The following KIF11 variants were observed in gnomAD, a reference collection of about 807,000 sequenced individuals.
The protein encoded by KIF11 is kinesin-like protein KIF11.
KIF11 carries 9 observed loss-of-function variants against 121.0 expected under a neutral mutation model. The ratio of observed to expected loss-of-function variants is 0.07; its 90% confidence interval spans 0.04 to 0.13. The LOEUF is 0.13. KIF11 is among the 10% of genes least tolerant of loss of function. KIF11 has a pLI of 1.00. For synonymous variants in KIF11, 408 were observed against 421.0 expected (o/e 0.97, Z 0.38); for missense variants, 846 against 1,217.5 (o/e 0.69, Z 4.54).
intron 16 of KIF11, 125 bp downstream of exon 16, chr10:92,637,670 G>A (rs935973953): frequency 1.8e-5 from 15 of 856,060 alleles, no homozygotes; most frequent in Non-Finnish European, 2.7e-5. Context: ...AAATACCATA[G>A]CCACTGTTGC....
At chr10:92,651,337 CT>C (rs201261980) in intron 21 of KIF11, among the ~76,000 whole-genome samples, 7 of 145,752 alleles carry the variant, frequency 4.8e-5, no homozygotes, top group South Asian at 2.2e-4. Flanking sequence ...CCTCTACCCA[CT>C]TTTTTTTTTC....
At chr10:92,643,494 A>C (rs1163652700) in intron 17 of KIF11, among the ~76,000 whole-genome samples, 1 of 151,662 alleles carries the variant, frequency 6.6e-6, no homozygotes, top group Non-Finnish European at 1.5e-5. Flanking sequence ...TGTGCAATAA[A>C]CACCTAATAC....
At chr10:92,611,523 T>A (rs1844496094) in intron 6 of KIF11, among the ~76,000 whole-genome samples, 1 of 152,110 alleles carries the variant, frequency 6.6e-6, no homozygotes, top group South Asian at 2.1e-4. Context: ...AATATTATAA[T>A]TCAGATCTAT....
chr10:92,601,733 G>T (rs1409038352), intron 1 of KIF11, among the ~76,000 whole-genome samples: 2 of 150,616 alleles, frequency 1.3e-5, no homozygotes. Flanking sequence ...TTAGAGATGG[G>T]GTCTCGCTAT....
At chr10:92,603,107 T>C (rs1844391827) in intron 1 of KIF11, among the ~76,000 whole-genome samples, 1 of 151,940 alleles carries the variant, frequency 6.6e-6, no homozygotes, top group Admixed American at 6.6e-5. Flanking sequence ...GAAAATTTTT[T>C]CCACCAAAAT....
Position 92,593,263 on chromosome 10 carries a change from C to T in KIF11, c.-113C>T. On this transcript the variant is annotated 5_prime_UTR_variant, in exon 1 of 22. Coordinates refer to ENST00000260731, the MANE Select transcript of KIF11 (RefSeq NM_004523.4). ...GCGTGCGTCGGTCCTCCAGGCCACG[C>T]CAGCGCCCGAGAGGGACCAGGGAGA... 1 of 1,099,240 alleles carries T rather than the reference C, an allele frequency of 9.1e-7. No homozygotes were observed. The highest frequency in any genetic ancestry group is 1.3e-6 in the Non-Finnish European group (1 of 769,382). The allele number at this position is 1,099,240 out of a possible 1,614,324, so 68.1% of individuals were successfully genotyped here.
At chr10:92,640,944 C>T (rs1031311587) in intron 17 of KIF11, among the ~76,000 whole-genome samples, 6 of 151,866 alleles carry the variant, frequency 4.0e-5, no homozygotes, top group South Asian at 2.1e-4. Context: ...GATGGGGTTT[C>T]GCCACGTTGG....
intron 10 of KIF11, 46 bp from the exon 11 acceptor site, chr10:92,628,762 T>A: frequency 9.7e-7 from 1 of 1,026,848 alleles, no homozygotes; most frequent in Non-Finnish European, 1.5e-6. Context: ...TTATAGGAGT[T>A]AGAAAAAAAT....
intron 12 of KIF11, among the ~76,000 whole-genome samples, chr10:92,631,295 GAAA>G (rs201439676): frequency 1.0e-5 from 1 of 97,476 alleles, no homozygotes; most frequent in Non-Finnish European, 2.4e-5. Flanking sequence ...CTCTGTTTCA[GAAA>G]AAAAAAAAAA....
At chr10:92,618,245 C>G (rs1010066078) in intron 9 of KIF11, among the ~76,000 whole-genome samples, 9 of 149,940 alleles carry the variant, frequency 6.0e-5, no homozygotes, top group African/African-American at 2.2e-4. Flanking sequence ...AATATTTCCT[C>G]CCAGTCTGGC....
intron 9 of KIF11, 120 bp downstream of exon 9, chr10:92,616,952 A>G (rs1480033116): frequency 3.6e-6 from 2 of 561,718 alleles, no homozygotes; most frequent in South Asian, 2.6e-5. Flanking sequence ...GGCTTTTTAT[A>G]TAGTGATTTA....
Position 92,593,435 on chromosome 10 carries a change from G to A in KIF11, c.60G>A (p.Gln20=). 6.2e-7 allele frequency: 1 copy of A among 1,610,616 alleles called. No individual in the cohort carries two copies. Among genetic ancestry groups the A allele is most frequent in the Non-Finnish European group, 8.5e-7 (1 of 1,178,694 alleles). ...AAGAGGAGAAGGGGAAGAACATCCA[G>A]GTGGTGGTGAGATGCAGGTAGGGAG... is the stretch of plus-strand genomic sequence containing the variant. ...KKKEEKGKNI[Q]VVVRCRPFNL... Residue 20 remains glutamine, a synonymous_variant, in exon 1 of 22, where the codon CAG becomes CAA. Coordinates refer to ENST00000260731, the MANE Select transcript of KIF11 (RefSeq NM_004523.4).
intron 10 of KIF11, 108 bp downstream of exon 10, chr10:92,621,581 G>A (rs541486632): frequency 3.6e-5 from 22 of 603,450 alleles, no homozygotes; most frequent in African/African-American, 1.8e-4. Context: ...ATCCAGTGCC[G>A]ATAAATACTT....
chr10:92,633,198 G>A lies in KIF11; in HGVS notation c.1703-425G>A, dbSNP rs76053542. The stretch of plus-strand genomic sequence containing the variant: ...TAGTGTGAAATACTATCCTCATTAT[G>A]GAAAATTTGGACATTCAGAAATATA... On this transcript the variant is annotated intron_variant, in intron 13 of 21. Transcript: ENST00000260731. 8.8e-3 allele frequency among the ~76,000 whole-genome samples: 1,340 copies of A among 151,886 alleles called. 19 individuals are homozygous for A. The highest frequency in any genetic ancestry group is 0.031 in the African/African-American group (1,287 of 41,432).
At chr10:92,607,898 T>C (rs1844446574) in intron 4 of KIF11, among the ~76,000 whole-genome samples, 1 of 152,016 alleles carries the variant, frequency 6.6e-6, no homozygotes, top group South Asian at 2.1e-4. Flanking sequence ...CTCATGCCTG[T>C]AATCCTAGCA....
At chr10:92,619,202 G>A (rs1462826850) in intron 9 of KIF11, among the ~76,000 whole-genome samples, 1 of 152,032 alleles carries the variant, frequency 6.6e-6, no homozygotes, top group Non-Finnish European at 1.5e-5. Flanking sequence ...ATTTTTAGTA[G>A]AGACGGGGTT....
intron 1 of KIF11, among the ~76,000 whole-genome samples, chr10:92,601,794 A>G (rs1333723062): frequency 6.7e-6 from 1 of 149,662 alleles, no homozygotes; most frequent in Admixed American, 6.7e-5. Context: ...CTCTACTCTT[A>G]CCCTCCCATA....
At chr10:92,626,435 G>A (rs1247298455) in intron 10 of KIF11, among the ~76,000 whole-genome samples, 2 of 152,148 alleles carry the variant, frequency 1.3e-5, no homozygotes, top group Admixed American at 6.5e-5. Flanking sequence ...AAACTTAAAT[G>A]TAAAACCTAA....
intron 1 of KIF11, among the ~76,000 whole-genome samples, chr10:92,602,825 CGTGTGTGTGTGTGT>C (rs3980475): frequency 3.3e-5 from 4 of 122,382 alleles, no homozygotes; most frequent in Non-Finnish European, 5.0e-5. Context: ...CACACACACA[CGTGTGTGTGTGTGT>C]GTGTGTGTGT....
Sources: allele counts gnomAD v4.1 joint callset (sites outside exome capture counted in the v4.1 genomes callset), GRCh38; gene constraint gnomAD v4.1.1; transcripts MANE v1.5; gene names NCBI Gene and HGNC (gene_info 2026-07-23, HGNC 2026-07-21).